Variants in SAXO1 observed in about 807,000 individuals in gnomAD.
SAXO1 encodes stabilizer of axonemal microtubules 1.
Under a neutral mutation model 17.5 loss-of-function variants are expected in SAXO1, and 21 were observed. That is an observed-to-expected ratio of 1.20 (90% CI 0.85 to 1.72). SAXO1 has a LOEUF of 1.72. Among genes scored for constraint, SAXO1 ranks in the 40% most tolerant of loss-of-function variants. The probability of loss-of-function intolerance (pLI) is 0.00; values close to 1 mark genes in which losing one functional copy is unlikely to be tolerated. For missense variants in SAXO1, 843 were observed against 596.0 expected, an observed-to-expected ratio of 1.41 and a Z score of -4.32; for synonymous variants, 274 against 216.5, an observed-to-expected ratio of 1.27 and a Z score of -2.33.
chr9:18,941,488 T>C, intron 3 of SAXO1, 149 bp downstream of exon 3: 1 of 773,848 alleles, frequency 1.3e-6, no homozygotes, highest in Non-Finnish European at 2.1e-6. Flanking sequence ...TCTCCAGCTA[T>C]ACAAAAACAG....
intron 1 of SAXO1, among the ~76,000 whole-genome samples, chr9:18,967,683 C>T (rs1169912005): frequency 1.3e-5 from 2 of 152,180 alleles, no homozygotes; most frequent in African/African-American, 2.4e-5. Flanking sequence ...TGTTGGGCTC[C>T]ATTGGGGGAG....
chr9:19,046,082 CAAAAAAAAA>C (rs57919139), intron 1 of SAXO1, among the ~76,000 whole-genome samples: 13 of 55,420 alleles, frequency 2.3e-4, no homozygotes, highest in Non-Finnish European at 2.8e-4. Context: ...AACTCCGTCT[CAAAAAAAAA>C]AAAAAAAAAA....
At chr9:18,983,674 A>G (rs1332635850) in intron 1 of SAXO1, among the ~76,000 whole-genome samples, 1 of 152,180 alleles carries the variant, frequency 6.6e-6, no homozygotes, top group African/African-American at 2.4e-5. Context: ...TCTTGCTATC[A>G]CCAGCACAAC....
intron 3 of SAXO1, among the ~76,000 whole-genome samples, chr9:18,930,179 G>T (rs530593580): frequency 2.0e-5 from 3 of 152,168 alleles, no homozygotes; most frequent in Non-Finnish European, 4.4e-5. Context: ...TAATCAGAGG[G>T]AAGATTTTCA....
intron 1 of SAXO1, among the ~76,000 whole-genome samples, chr9:19,041,408 G>C (rs1836076552): frequency 6.6e-6 from 1 of 152,024 alleles, no homozygotes; most frequent in Admixed American, 6.6e-5. Context: ...CCTTATGAAA[G>C]TACCAATAAC....
intron 1 of SAXO1, among the ~76,000 whole-genome samples, chr9:19,045,779 G>A (rs1028404498): frequency 6.6e-6 from 1 of 152,186 alleles, no homozygotes; most frequent in Non-Finnish European, 1.5e-5. Context: ...AATAGGAGCA[G>A]ACAACCAATG....
intron 1 of SAXO1, among the ~76,000 whole-genome samples, chr9:18,970,424 A>C (rs774660261): frequency 1.3e-5 from 2 of 151,970 alleles, no homozygotes; most frequent in Non-Finnish European, 1.5e-5. Flanking sequence ...ATCACCCTCA[A>C]CTGTTACCTT....
At chr9:18,955,796 C>T (rs1161003547) in intron 1 of SAXO1, among the ~76,000 whole-genome samples, 1 of 152,160 alleles carries the variant, frequency 6.6e-6, no homozygotes, top group African/African-American at 2.4e-5. Context: ...AATGCCACCA[C>T]TCCCACCCCT....
chr9:19,026,246 T>C (rs1310752432), intron 1 of SAXO1, among the ~76,000 whole-genome samples: 1 of 152,192 alleles, frequency 6.6e-6, no homozygotes, highest in Non-Finnish European at 1.5e-5. Flanking sequence ...TATGTATCAA[T>C]TTTTTAAATG....
chr9:18,929,001 T>A lies in SAXO1; in HGVS notation c.476A>T (p.Lys159Ile), dbSNP rs765909236. The A allele has an allele frequency of 5.0e-6, 8 of 1,614,194 alleles. No individual in the cohort carries two copies. Among genetic ancestry groups the A allele is most frequent in the Middle Eastern group, 1.6e-4 (1 of 6,062 alleles). ...AAACCTGACTGATGCCGGCTGGTAT[T>A]TGTGTTCCAGACGAAGTGGCTCTCG... ...PRREPLRLEH[K>I]YQPASVRFDN... is the part of the protein sequence containing the mutation. The change falls in exon 4 of 4, where the codon AAA (lysine) becomes ATA (isoleucine). Residue 159 changes from lysine to isoleucine, a missense_variant. Coordinates refer to ENST00000380534, the MANE Select transcript of SAXO1 (RefSeq NM_153707.4).
chr9:18,984,139 G>A (rs1049814719), intron 1 of SAXO1, among the ~76,000 whole-genome samples: 13 of 152,280 alleles, frequency 8.5e-5, no homozygotes, highest in African/African-American at 1.9e-4. Context: ...GGTCTCAATA[G>A]AAGGCTTAAA....
chr9:18,947,452 C>T (rs1831846513), intron 2 of SAXO1, among the ~76,000 whole-genome samples: 1 of 152,180 alleles, frequency 6.6e-6, no homozygotes, highest in African/African-American at 2.4e-5. Context: ...CAAGTCTGAA[C>T]TCAATTCTAT....
chr9:18,982,021 G>A (rs1006464606), intron 1 of SAXO1, among the ~76,000 whole-genome samples: 46 of 152,078 alleles, frequency 3.0e-4, no homozygotes, highest in African/African-American at 1.1e-3. Flanking sequence ...CCCAGACCAC[G>A]CCAGAGCGAC....
intron 1 of SAXO1, among the ~76,000 whole-genome samples, chr9:18,964,798 C>T (rs1005530991): frequency 6.6e-6 from 1 of 152,156 alleles, no homozygotes. Flanking sequence ...CTTCTGCTAG[C>T]TTTTGAATTT....
At chr9:19,011,677 C>T (rs1255363325) in intron 1 of SAXO1, among the ~76,000 whole-genome samples, 1 of 152,110 alleles carries the variant, frequency 6.6e-6, no homozygotes, top group Non-Finnish European at 1.5e-5. Context: ...GTTATTCAAC[C>T]CAAACTGATG....
intron 2 of SAXO1, among the ~76,000 whole-genome samples, chr9:18,946,220 G>A (rs956389263): frequency 1.4e-5 from 2 of 145,006 alleles, no homozygotes; most frequent in Non-Finnish European, 3.0e-5. Context: ...AAGTTGCGGT[G>A]AGCCGAGATC....
intron 1 of SAXO1, 50 bp downstream of exon 1, chr9:19,032,821 G>A: frequency 1.3e-6 from 2 of 1,596,598 alleles, no homozygotes; most frequent in Non-Finnish European, 1.7e-6. Flanking sequence ...TTCCTCGGGA[G>A]TCTGAAAACC....
At chr9:18,993,792 C>T (rs1287440237) in intron 1 of SAXO1, among the ~76,000 whole-genome samples, 1 of 152,144 alleles carries the variant, frequency 6.6e-6, no homozygotes, top group Non-Finnish European at 1.5e-5. Context: ...CATATTCAAT[C>T]CTTAAAGTCA....
chr9:18,991,236 G>A (rs1833797654), intron 1 of SAXO1, among the ~76,000 whole-genome samples: 1 of 152,142 alleles, frequency 6.6e-6, no homozygotes, highest in Non-Finnish European at 1.5e-5. Context: ...CCTCCAGCCT[G>A]GGTGACAGAG....
Sources: allele counts gnomAD v4.1 joint callset (sites outside exome capture counted in the v4.1 genomes callset), GRCh38; gene constraint gnomAD v4.1.1; transcripts MANE v1.5; gene names NCBI Gene and HGNC (gene_info 2026-07-23, HGNC 2026-07-21).